The following ADAMTSL3 variants were observed in gnomAD, a reference collection of about 807,000 sequenced individuals.
ADAMTSL3 encodes ADAMTS-like protein 3.
In ADAMTSL3, 128 loss-of-function variants were observed where a neutral mutation model predicts 201.7. The observed-to-expected ratio is 0.63, with a 90% CI of 0.55 to 0.73. ADAMTSL3 has a LOEUF of 0.73. Ranked by LOEUF, ADAMTSL3 falls within the 30% of genes least tolerant of loss-of-function variation. ADAMTSL3 has a pLI of 0.00. For synonymous variants in ADAMTSL3, 738 were observed against 748.4 expected (o/e 0.99, Z 0.23); for missense variants, 1,990 against 2,119.6 (o/e 0.94, Z 1.20).
chr15:84,008,279 G>C lies in ADAMTSL3; in HGVS notation c.3974-6263G>C, dbSNP rs139582278. Among the ~76,000 whole-genome samples, 1,328 of 152,164 alleles carry C rather than the reference G, an allele frequency of 8.7e-3. 18 individuals are homozygous for C. The highest frequency in any genetic ancestry group is 0.03 in the African/African-American group (1,259 of 41,516). On this transcript the variant is annotated intron_variant, in intron 23 of 29. Coordinates refer to ENST00000286744, the MANE Select transcript of ADAMTSL3 (RefSeq NM_207517.3). Reference sequence around the variant, plus strand: ...CTAAATGTTTTTTGTATTTTTAGTAGAGACAGGGTTTCACCATGTTGCCCA... The same window carrying C: ...CTAAATGTTTTTTGTATTTTTAGTACAGACAGGGTTTCACCATGTTGCCCA...
chr15:83,887,515 T>G (rs1357279290), intron 10 of ADAMTSL3, among the ~76,000 whole-genome samples: 1 of 152,220 alleles, frequency 6.6e-6, no homozygotes, highest in African/African-American at 2.4e-5. Flanking sequence ...TCTTGAATGT[T>G]ACAAGCATTT....
At chr15:83,714,793 C>CTTTCTT (rs1315219559) in intron 3 of ADAMTSL3, among the ~76,000 whole-genome samples, 4 of 57,898 alleles carry the variant, frequency 6.9e-5, no homozygotes, top group East Asian at 3.0e-4. Flanking sequence ...CTTTTTCTTT[C>CTTTCTT]TCTCTCTTTC....
At chr15:83,974,648 T>C (rs1465919128) in intron 20 of ADAMTSL3, among the ~76,000 whole-genome samples, 1 of 152,234 alleles carries the variant, frequency 6.6e-6, no homozygotes, top group African/African-American at 2.4e-5. Flanking sequence ...ATGGACATTC[T>C]TTTTAAATAT....
At chr15:83,714,193 C>G in intron 3 of ADAMTSL3, among the ~76,000 whole-genome samples, 1 of 152,182 alleles carries the variant, frequency 6.6e-6, no homozygotes, top group Non-Finnish European at 1.5e-5. Flanking sequence ...AATTTCCACC[C>G]TATCTTCTAG....
At chr15:83,674,787 AT>A in intron 2 of ADAMTSL3, among the ~76,000 whole-genome samples, 1 of 144,862 alleles carries the variant, frequency 6.9e-6, no homozygotes, top group Non-Finnish European at 1.5e-5. Context: ...ATATATATAT[AT>A]AAATCTTGCT....
chr15:83,993,104 T>A (rs2067613427), intron 23 of ADAMTSL3, among the ~76,000 whole-genome samples: 1 of 152,244 alleles, frequency 6.6e-6, no homozygotes, highest in Non-Finnish European at 1.5e-5. Context: ...TAAACAAACC[T>A]GTAGTGAACT....
Position 83,761,873 on chromosome 15 carries a change from T to TGG in ADAMTSL3, c.190-11650_190-11649insGG, listed in dbSNP as rs540904292. ...TTCTTAGAAAAGAACAAGCTACTTG[T>TGG]CTAGTAGGTATAAACACTGATTGCA... On this transcript the variant is annotated intron_variant, in intron 3 of 29. Transcript: ENST00000286744. 1.4e-3 allele frequency among the ~76,000 whole-genome samples: 207 copies of TGG among 152,288 alleles called. 1 individual carries two copies. Among genetic ancestry groups the TGG allele is most frequent in the African/African-American group, 4.7e-3 (197 of 41,546 alleles).
At chr15:83,820,918 A>G (rs1334430650) in intron 6 of ADAMTSL3, among the ~76,000 whole-genome samples, 1 of 152,136 alleles carries the variant, frequency 6.6e-6, no homozygotes, top group East Asian at 1.9e-4. Context: ...CACTAAAAAT[A>G]CAAAAATTAA....
chr15:83,779,096 G>A (rs564154704), intron 4 of ADAMTSL3, among the ~76,000 whole-genome samples: 1 of 152,262 alleles, frequency 6.6e-6, no homozygotes, highest in Admixed American at 6.5e-5. Flanking sequence ...CAACACAGCA[G>A]CACCCAAATT....
At chr15:83,934,832 T>C (rs577425589) in intron 17 of ADAMTSL3, among the ~76,000 whole-genome samples, 5 of 151,324 alleles carry the variant, frequency 3.3e-5, no homozygotes, top group Non-Finnish European at 5.9e-5. Context: ...AAAGAAAATA[T>C]GGTATATGTA....
chr15:83,880,441 C>T (rs527386775), intron 9 of ADAMTSL3, among the ~76,000 whole-genome samples: 5 of 152,152 alleles, frequency 3.3e-5, no homozygotes, highest in African/African-American at 7.2e-5. Flanking sequence ...TCAATGGCTA[C>T]TTTTGCACTA....
At chr15:83,986,634 T>C (rs183115931) in intron 21 of ADAMTSL3, among the ~76,000 whole-genome samples, 3 of 152,370 alleles carry the variant, frequency 2.0e-5, no homozygotes, top group East Asian at 1.9e-4. Context: ...AATGTTCTCA[T>C]CTTTAAATAT....
intron 11 of ADAMTSL3, chr15:83,891,064 G>A: frequency 2.7e-6 from 1 of 369,548 alleles, no homozygotes; most frequent in East Asian, 4.9e-5. Flanking sequence ...TATTGAAATT[G>A]CAAGATACTT....
chr15:83,876,338 T>G (rs1221891964), intron 9 of ADAMTSL3, among the ~76,000 whole-genome samples: 1 of 152,116 alleles, frequency 6.6e-6, no homozygotes, highest in African/African-American at 2.4e-5. Flanking sequence ...TTTACATTTC[T>G]ATTTATATAA....
At chr15:83,884,528 A>G (rs562913207) in intron 9 of ADAMTSL3, among the ~76,000 whole-genome samples, 4 of 147,464 alleles carry the variant, frequency 2.7e-5, no homozygotes, top group Non-Finnish European at 6.0e-5. Flanking sequence ...ACCTGCCTTG[A>G]CCTCCCAAAG....
intron 27 of ADAMTSL3, among the ~76,000 whole-genome samples, chr15:84,031,059 T>G (rs1455128433): frequency 2.6e-5 from 4 of 152,166 alleles, no homozygotes; most frequent in Non-Finnish European, 5.9e-5. Context: ...CTCTTTCCTT[T>G]GTAAATTACC....
At chr15:83,678,835 AAT>A (rs1029993977) in intron 2 of ADAMTSL3, among the ~76,000 whole-genome samples, 19 of 145,152 alleles carry the variant, frequency 1.3e-4, no homozygotes, top group African/African-American at 4.3e-4. Context: ...AATATATATA[AAT>A]ATATATATAA....
intron 27 of ADAMTSL3, among the ~76,000 whole-genome samples, chr15:84,026,993 A>T (rs1200064310): frequency 6.6e-6 from 1 of 152,248 alleles, no homozygotes; most frequent in Non-Finnish European, 1.5e-5. Flanking sequence ...CAACCTATAG[A>T]ATGGGAGAAA....
chr15:83,899,651 A>AGAAGAAAATTGG lies in ADAMTSL3; in HGVS notation c.1620_1621insGAAGAAAATTGG (p.Lys540_Ser541insGluGluAsnTrp). The AGAAGAAAATTGG allele has an allele frequency of 1.9e-6, 3 of 1,611,040 alleles. No homozygotes were observed. Among genetic ancestry groups the AGAAGAAAATTGG allele is most frequent in the Non-Finnish European group, 2.5e-6 (3 of 1,178,106 alleles). ...TTTATGTTCTCTTTTTCTTAGAAAA[A>AGAAGAAAATTGG]AGTCCAGTGGAAGCAAAATTGCCTT... On this transcript the variant is annotated inframe_insertion, in exon 15 of 30. Transcript: ENST00000286744.
Sources: allele counts gnomAD v4.1 joint callset (sites outside exome capture counted in the v4.1 genomes callset), GRCh38; gene constraint gnomAD v4.1.1; transcripts MANE v1.5; gene names NCBI Gene and HGNC (gene_info 2026-07-23, HGNC 2026-07-21).